Variants in NBEA observed in about 807,000 individuals in gnomAD.
The protein encoded by NBEA is neurobeachin, also known as lysosomal-trafficking regulator 2.
In NBEA, 44 loss-of-function variants were observed where a neutral mutation model predicts 343.4. The observed-to-expected ratio is 0.13, with a 90% CI of 0.10 to 0.16. NBEA has a LOEUF of 0.16. Ranked by LOEUF, NBEA falls within the 10% of genes least tolerant of loss-of-function variation. The pLI is 1.00. For synonymous variants in NBEA, 1,175 were observed against 1,238.7 expected, an observed-to-expected ratio of 0.95 and a Z score of 1.08; for missense variants, 2,555 against 3,631.3, an observed-to-expected ratio of 0.70 and a Z score of 7.62.
chr13:35,030,005 A>C (rs1404506734), intron 1 of NBEA, among the ~76,000 whole-genome samples: 1 of 151,632 alleles, frequency 6.6e-6, no homozygotes, highest in Non-Finnish European at 1.5e-5. Flanking sequence ...TTAACTGTGC[A>C]AATAGAGTAT....
intron 38 of NBEA, among the ~76,000 whole-genome samples, chr13:35,361,018 G>A (rs2040776722): frequency 6.6e-6 from 1 of 151,854 alleles, no homozygotes; most frequent in African/African-American, 2.4e-5. Context: ...ATGACAAACA[G>A]TATAAATACA....
chr13:35,142,463 C>A, intron 18 of NBEA, 86 bp downstream of exon 18: 1 of 793,226 alleles, frequency 1.3e-6, no homozygotes, highest in South Asian at 2.6e-5. Context: ...AGTAGTTGGT[C>A]TGTTAATCTA....
intron 1 of NBEA, among the ~76,000 whole-genome samples, chr13:34,992,891 G>T (rs1444264433): frequency 6.8e-6 from 1 of 146,222 alleles, no homozygotes; most frequent in Non-Finnish European, 1.5e-5. Context: ...CACCGTATTA[G>T]CCAGGATGGT....
chr13:35,273,335 C>T (rs948298091), intron 34 of NBEA, among the ~76,000 whole-genome samples: 2 of 152,190 alleles, frequency 1.3e-5, no homozygotes, highest in African/African-American at 4.8e-5. Flanking sequence ...ACTAGAATCT[C>T]TGGGACACAT....
chr13:35,388,341 A>T (rs1322325498), intron 38 of NBEA, among the ~76,000 whole-genome samples: 2 of 152,144 alleles, frequency 1.3e-5, no homozygotes, highest in African/African-American at 4.8e-5. Flanking sequence ...TTTTAGTGTT[A>T]AGCAACATTA....
chr13:35,137,225 T>C (rs2067786089), intron 17 of NBEA, among the ~76,000 whole-genome samples: 1 of 152,092 alleles, frequency 6.6e-6, no homozygotes, highest in East Asian at 1.9e-4. Flanking sequence ...CTGAGATGGG[T>C]GGATCCCTTG....
chr13:35,270,349 T>C (rs2034031038), intron 34 of NBEA, among the ~76,000 whole-genome samples: 1 of 152,186 alleles, frequency 6.6e-6, no homozygotes, highest in Non-Finnish European at 1.5e-5. Context: ...AGAAGAATGG[T>C]TACAGACCAC....
At chr13:35,238,486 A>G (rs2075336584) in intron 34 of NBEA, among the ~76,000 whole-genome samples, 1 of 152,226 alleles carries the variant, frequency 6.6e-6, no homozygotes, top group Admixed American at 6.5e-5. Context: ...CTCTTAGCAT[A>G]GCACCTTAGC....
At chr13:35,574,244 T>C (rs1411366900) in intron 45 of NBEA, among the ~76,000 whole-genome samples, 2 of 151,586 alleles carry the variant, frequency 1.3e-5, no homozygotes, top group Non-Finnish European at 2.9e-5. Context: ...TTGCATTTTC[T>C]TCCATTCGTT....
chr13:35,566,824 C>A (rs1403810861), intron 44 of NBEA, 81 bp from the exon 45 acceptor site: 5 of 727,948 alleles, frequency 6.9e-6, no homozygotes, highest in South Asian at 3.6e-5. Flanking sequence ...TTCTGAAATT[C>A]AGTAGATGCT....
At chr13:35,665,222 A>G (rs2085293919) in intron 56 of NBEA, 36 bp downstream of exon 56, 1 of 1,494,716 alleles carries the variant, frequency 6.7e-7, no homozygotes, top group African/African-American at 1.4e-5. Flanking sequence ...AATGTCTAGA[A>G]GATGACTGTT....
intron 33 of NBEA, among the ~76,000 whole-genome samples, chr13:35,214,694 C>G (rs1290977620): frequency 6.6e-6 from 1 of 151,622 alleles, no homozygotes; most frequent in Non-Finnish European, 1.5e-5. Flanking sequence ...TCTAATTTGA[C>G]AGAGTTCATT....
chr13:34,960,354 T>G (rs2059623281), intron 1 of NBEA, among the ~76,000 whole-genome samples: 1 of 152,080 alleles, frequency 6.6e-6, no homozygotes, highest in Admixed American at 6.6e-5. Context: ...AAAATGAAAG[T>G]TTATAAAGTA....
intron 49 of NBEA, among the ~76,000 whole-genome samples, chr13:35,629,512 C>T (rs1372337524): frequency 6.6e-6 from 1 of 152,196 alleles, no homozygotes; most frequent in Admixed American, 6.5e-5. Flanking sequence ...ATTCTGAGAA[C>T]ACGTTGCAAG....
chr13:35,122,649 A>C (rs568461009), intron 16 of NBEA, among the ~76,000 whole-genome samples: 1 of 152,074 alleles, frequency 6.6e-6, no homozygotes, highest in East Asian at 1.9e-4. Flanking sequence ...CAGCACACCA[A>C]CATGGCACAT....
chr13:35,349,739 A>G (rs1463279770), intron 37 of NBEA, among the ~76,000 whole-genome samples: 1 of 152,126 alleles, frequency 6.6e-6, no homozygotes, highest in Non-Finnish European at 1.5e-5. Flanking sequence ...TAAATGACTC[A>G]CCAATTTATT....
chr13:35,153,892 G>A (rs751813293), intron 18 of NBEA, among the ~76,000 whole-genome samples: 11 of 152,200 alleles, frequency 7.2e-5, no homozygotes, highest in Middle Eastern at 3.4e-3. Flanking sequence ...CAGGGTCTTC[G>A]GGGCAAGTTG....
chr13:35,158,096 A>C (rs2069301349), intron 21 of NBEA, among the ~76,000 whole-genome samples: 1 of 152,154 alleles, frequency 6.6e-6, no homozygotes, highest in African/African-American at 2.4e-5. Context: ...TGTTTGAATA[A>C]ACCTTTATTC....
intron 34 of NBEA, among the ~76,000 whole-genome samples, chr13:35,260,217 T>C (rs2033082965): frequency 6.6e-6 from 1 of 152,152 alleles, no homozygotes; most frequent in South Asian, 2.1e-4. Flanking sequence ...TGATTGAATA[T>C]AAGGCCCTAC....
Sources: allele counts gnomAD v4.1 joint callset (sites outside exome capture counted in the v4.1 genomes callset), GRCh38; gene constraint gnomAD v4.1.1; transcripts MANE v1.5; gene names NCBI Gene and HGNC (gene_info 2026-07-23, HGNC 2026-07-21).